Variants in EPB41L4A observed in about 807,000 individuals in gnomAD.
EPB41L4A encodes erythrocyte membrane protein band 4.1 like 4A.
EPB41L4A carries 100 observed loss-of-function variants against 108.6 expected under a neutral mutation model. The observed-to-expected ratio is 0.92, with a 90% CI of 0.78 to 1.09. The LOEUF (loss-of-function observed/expected upper bound fraction) is 1.09, where lower values mean the gene tolerates loss of function less well. Ranked by LOEUF, EPB41L4A falls within the 50% of genes least tolerant of loss-of-function variation. EPB41L4A has a pLI of 0.00. For synonymous variants in EPB41L4A, 319 were observed against 289.0 expected, an observed-to-expected ratio of 1.10 and a Z score of -1.05; for missense variants, 1,030 against 842.7, an observed-to-expected ratio of 1.22 and a Z score of -2.75.
intron 1 of EPB41L4A, among the ~76,000 whole-genome samples, chr5:112,403,055 CAA>C (rs1401627537): frequency 1.3e-5 from 2 of 151,166 alleles, no homozygotes; most frequent in Non-Finnish European, 3.0e-5. Context: ...AAAAAAAAAA[CAA>C]AGATTTTTAA....
downstream of EPB41L4A, among the ~76,000 whole-genome samples, chr5:112,158,957 T>C (rs1478734654): frequency 6.6e-6 from 1 of 152,200 alleles, no homozygotes; most frequent in East Asian, 1.9e-4. Context: ...TTCGCTGTCT[T>C]TAAAGGACAA....
Position 112,419,106 on chromosome 5 carries a change from T to G in EPB41L4A, c.-67A>C, listed in dbSNP as rs1762910376. ...CGAGGCGCCCAGCCGCCCCCTCCAC[T>G]CAAGCGCGATGCATTAATTTATTGT... On this transcript the variant is annotated 5_prime_UTR_variant, in exon 1 of 23. The change abolishes the stop of an existing upstream ORF in the 5' untranslated region. Transcript: ENST00000261486. 1.7e-6 allele frequency: 2 copies of G among 1,159,424 alleles called. No homozygotes were observed. The highest frequency in any genetic ancestry group is 3.1e-5 in the African/African-American group (2 of 65,188). The allele number at this position is 1,159,424 out of a possible 1,614,324, so 71.8% of individuals were successfully genotyped here.
intron 1 of EPB41L4A, among the ~76,000 whole-genome samples, chr5:112,408,538 C>T (rs1171434447): frequency 6.6e-6 from 1 of 151,646 alleles, no homozygotes; most frequent in Non-Finnish European, 1.5e-5. Flanking sequence ...ACAATGTAAA[C>T]AGACACTTCT....
chr5:112,248,857 G>A (rs1750430541), intron 9 of EPB41L4A, among the ~76,000 whole-genome samples: 4 of 152,080 alleles, frequency 2.6e-5, no homozygotes, highest in Admixed American at 2.6e-4. Context: ...CCTCTCCCAA[G>A]CCTGTATTCT....
At chr5:112,312,070 T>C (rs1755090038) in intron 1 of EPB41L4A, among the ~76,000 whole-genome samples, 1 of 152,214 alleles carries the variant, frequency 6.6e-6, no homozygotes, top group East Asian at 1.9e-4. Context: ...CAAACTATAT[T>C]TGTGCTTCTG....
At chr5:112,182,217 T>C (rs2150231896) in intron 18 of EPB41L4A, among the ~76,000 whole-genome samples, 1 of 152,270 alleles carries the variant, frequency 6.6e-6, no homozygotes, top group African/African-American at 2.4e-5. Context: ...TTCATTAAAC[T>C]GTACATATAA....
intron 15 of EPB41L4A, among the ~76,000 whole-genome samples, chr5:112,202,493 C>T (rs1035010295): frequency 6.6e-6 from 1 of 152,138 alleles, no homozygotes; most frequent in Non-Finnish European, 1.5e-5. Flanking sequence ...AATACAAATG[C>T]CATTTCCCAA....
intron 1 of EPB41L4A, among the ~76,000 whole-genome samples, chr5:112,376,358 A>T (rs1053573778): frequency 1.3e-5 from 2 of 152,200 alleles, no homozygotes; most frequent in Admixed American, 1.3e-4. Flanking sequence ...ATGGCTAAAA[A>T]TTTTTTTAAA....
intron 9 of EPB41L4A, among the ~76,000 whole-genome samples, chr5:112,256,253 A>C (rs940370017): frequency 6.8e-6 from 1 of 147,646 alleles, no homozygotes; most frequent in Non-Finnish European, 1.5e-5. Context: ...TAAAACCAAG[A>C]ACTAACACAT....
upstream of EPB41L4A, chr5:112,419,743 G>A (rs1234278781): frequency 8.8e-6 from 4 of 456,668 alleles, no homozygotes; most frequent in Non-Finnish European, 8.8e-6. Flanking sequence ...GGCGGAAAGG[G>A]CAGCAGGCTC....
At chr5:112,224,037 C>T (rs1470090784) in intron 12 of EPB41L4A, among the ~76,000 whole-genome samples, 2 of 152,164 alleles carry the variant, frequency 1.3e-5, no homozygotes, top group Admixed American at 6.5e-5. Flanking sequence ...TTGCAGCCTC[C>T]GCCCCGCAGG....
intron 18 of EPB41L4A, among the ~76,000 whole-genome samples, chr5:112,181,389 T>C (rs1221561394): frequency 6.6e-6 from 1 of 152,026 alleles, no homozygotes; most frequent in Non-Finnish European, 1.5e-5. Flanking sequence ...GAGGCGGAGC[T>C]TGCAGTGAGC....
rs567641388 is a variant in EPB41L4A at position 112,315,797 on chromosome 5, C to A, written c.100-8307G>T. ...TAAAGATTATGCAAAAAAAATCTGA[C>A]AGAAATTTGATTTTCCATCATCAAA... On this transcript the variant is annotated intron_variant, in intron 1 of 22. Transcript: ENST00000261486. Among the ~76,000 whole-genome samples the A allele has an allele frequency of 1.1e-4, 16 of 148,572 alleles. No individual in the cohort carries two copies. The South Asian group carries it at 2.1e-3, about 19-fold the overall frequency.
chr5:112,319,027 A>G (rs1755597092), intron 1 of EPB41L4A, among the ~76,000 whole-genome samples: 1 of 152,190 alleles, frequency 6.6e-6, no homozygotes, highest in South Asian at 2.1e-4. Context: ...CAACACCTCA[A>G]TAGCAATGAC....
At chr5:112,158,447 G>C (rs1205486271), downstream of EPB41L4A, 1 of 432,120 alleles carries the variant, frequency 2.3e-6, no homozygotes, top group Non-Finnish European at 4.6e-6. Flanking sequence ...ACATACCTAA[G>C]GGAACAAATA....
At position 112,171,876 on chromosome 5, in the gene EPB41L4A, T is replaced by C. The variant is rs374227038; in HGVS notation, c.1623-884A>G. Among the ~76,000 whole-genome samples the C allele has an allele frequency of 1.3e-4, 20 of 152,326 alleles. No homozygotes were observed. The East Asian group carries it at 3.3e-3, about 25-fold the overall frequency. On this transcript the variant is annotated intron_variant, in intron 18 of 22. Coordinates refer to ENST00000261486, the MANE Select transcript of EPB41L4A (RefSeq NM_022140.5). ...GAAAGAACAAATAATTAAAAGCCAC[T>C]GATCCTATGGAATTGTATGTGATTA...
chr5:112,200,247 C>T (rs977820401), intron 15 of EPB41L4A, among the ~76,000 whole-genome samples: 4 of 152,140 alleles, frequency 2.6e-5, no homozygotes, highest in African/African-American at 9.7e-5. Context: ...CTGTTTGTAT[C>T]TCAGATCCTG....
chr5:112,388,033 A>G (rs1760676952), intron 1 of EPB41L4A, among the ~76,000 whole-genome samples: 1 of 152,158 alleles, frequency 6.6e-6, no homozygotes, highest in East Asian at 1.9e-4. Context: ...AAACCCCAAA[A>G]GTTCCTCTCT....
intron 9 of EPB41L4A, among the ~76,000 whole-genome samples, chr5:112,241,506 A>T (rs1471392641): frequency 6.6e-6 from 1 of 152,252 alleles, no homozygotes; most frequent in African/African-American, 2.4e-5. Flanking sequence ...CTATATCCAC[A>T]GGTTCCACAT....
Sources: allele counts gnomAD v4.1 joint callset (sites outside exome capture counted in the v4.1 genomes callset), GRCh38; gene constraint gnomAD v4.1.1; transcripts MANE v1.5; gene names NCBI Gene and HGNC (gene_info 2026-07-23, HGNC 2026-07-21).